Variants in FFAR4 observed in about 807,000 individuals in gnomAD.
FFAR4 encodes G-protein coupled receptor 120.
FFAR4 carries 19 observed loss-of-function variants against 27.0 expected under a neutral mutation model. The ratio of observed to expected loss-of-function variants is 0.70; its 90% CI spans 0.49 to 1.03. The LOEUF is 1.03. Ranked by LOEUF, FFAR4 falls within the 50% of genes least tolerant of loss-of-function variation. The pLI is 0.00. For missense variants in FFAR4, 476 were observed against 479.0 expected (o/e 0.99, Z 0.06); for synonymous variants, 254 against 215.6 (o/e 1.18, Z -1.56).
chr10:93,568,119 C>T (rs969095532), intron 1 of FFAR4, among the ~76,000 whole-genome samples: 9 of 152,138 alleles, frequency 5.9e-5, no homozygotes, highest in Non-Finnish European at 1.2e-4. Context: ...CCCTCAAGTC[C>T]CGCGGTCCGG....
At chr10:93,582,426 C>T (rs2058202987) in intron 2 of FFAR4, among the ~76,000 whole-genome samples, 1 of 151,696 alleles carries the variant, frequency 6.6e-6, no homozygotes, top group Non-Finnish European at 1.5e-5. Flanking sequence ...TGCCTGTAAT[C>T]CCAGCTACTC....
rs1441518234 is a variant in FFAR4, at chr10:93,587,884, G to A, written c.*275G>A. ...GTGGATCACCTGAGGTCAGGAGTTC[G>A]AGACCAACCTGACCAACATGGTGAG... On this transcript the variant is annotated 3_prime_UTR_variant, in exon 3 of 3. Transcript: ENST00000371481. 6 of 305,416 alleles carry A rather than the reference G, an allele frequency of 2.0e-5. No homozygotes were observed. The highest frequency in any genetic ancestry group is 8.6e-5 in the African/African-American group (4 of 46,742). The allele number at this position is 305,416 out of a possible 1,614,324, so 18.9% of individuals were successfully genotyped here. A position where few individuals can be genotyped will look rare whatever the true frequency, so the allele number is the denominator to read the frequency against.
At chr10:93,578,502 C>T (rs1052895434) in intron 2 of FFAR4, among the ~76,000 whole-genome samples, 3 of 150,016 alleles carry the variant, frequency 2.0e-5, no homozygotes, top group African/African-American at 7.4e-5. Context: ...TTTTAATAAT[C>T]TGGGTTTGAG....
chr10:93,583,717 G>T (rs11187527), intron 2 of FFAR4, among the ~76,000 whole-genome samples: 12,666 of 152,234 alleles, frequency 0.083, 587 homozygotes, highest in African/African-American at 0.096. Context: ...GGCAAGTTTT[G>T]TAAGCTCTTT....
intron 1 of FFAR4, among the ~76,000 whole-genome samples, chr10:93,575,737 T>C (rs2058159818): frequency 6.6e-6 from 1 of 152,214 alleles, no homozygotes; most frequent in Non-Finnish European, 1.5e-5. Context: ...TTCTCCTTTG[T>C]AAAATGGCAG....
At chr10:93,579,906 G>A (rs2058188532) in intron 2 of FFAR4, among the ~76,000 whole-genome samples, 1 of 152,088 alleles carries the variant, frequency 6.6e-6, no homozygotes, top group African/African-American at 2.4e-5. Flanking sequence ...ATGCCTCAGT[G>A]GATTAACACA....
At chr10:93,581,161 G>A (rs1478880267) in intron 2 of FFAR4, among the ~76,000 whole-genome samples, 1 of 152,238 alleles carries the variant, frequency 6.6e-6, no homozygotes, top group Non-Finnish European at 1.5e-5. Context: ...GCACATAGCA[G>A]GGGCATATAA....
At chr10:93,584,875 T>C (rs1263818313) in intron 2 of FFAR4, among the ~76,000 whole-genome samples, 2 of 151,890 alleles carry the variant, frequency 1.3e-5, no homozygotes, top group African/African-American at 2.4e-5. Context: ...CCCTGCTCAT[T>C]TTTTTGTATT....
At chr10:93,569,072 G>A (rs1366408436) in intron 1 of FFAR4, among the ~76,000 whole-genome samples, 2 of 152,112 alleles carry the variant, frequency 1.3e-5, no homozygotes, top group African/African-American at 4.8e-5. Context: ...ATCAGGAGGG[G>A]GCTGGGCTTC....
chr10:93,587,607 T>A lies in FFAR4; in HGVS notation c.1084T>A (p.Ter362LysextTer40). ...AAATGACTTGTCGATTATTTCTGGC[T>A]AATTTTTCTTTATAGCCGAGTTTCT... ...KRNDLSIISG[*>K] The change falls in exon 3 of 3, where the codon TAA becomes AAA. Residue 362 changes from the stop codon to lysine, a stop_lost. Transcript: ENST00000371481. 1 of 1,609,810 alleles carries A rather than the reference T, an allele frequency of 6.2e-7. No homozygotes were observed. The highest frequency in any genetic ancestry group is 8.5e-7 in the Non-Finnish European group (1 of 1,178,792).
chr10:93,576,602 T>C (rs757992355), intron 2 of FFAR4, among the ~76,000 whole-genome samples: 1 of 152,212 alleles, frequency 6.6e-6, no homozygotes, highest in Non-Finnish European at 1.5e-5. Context: ...TGATGAACCA[T>C]ATGAAATTGC....
At chr10:93,575,118 A>G (rs2058156407) in intron 1 of FFAR4, among the ~76,000 whole-genome samples, 1 of 152,220 alleles carries the variant, frequency 6.6e-6, no homozygotes, top group South Asian at 2.1e-4. Context: ...ATTGGTTAAG[A>G]TGCCTTGGCC....
intron 2 of FFAR4, 90 bp downstream of exon 2, chr10:93,576,309 T>A: frequency 7.3e-7 from 1 of 1,377,014 alleles, no homozygotes; most frequent in Non-Finnish European, 1.0e-6. Flanking sequence ...GGAGAACACC[T>A]AAGAGTTCAC....
chr10:93,587,835 C>T lies in FFAR4; in HGVS notation c.*226C>T. 2.2e-6 allele frequency: 1 copy of T among 453,384 alleles called. No individual in the cohort carries two copies. Among genetic ancestry groups the T allele is most frequent in the Non-Finnish European group, 4.0e-6 (1 of 253,144 alleles). 28.1% of individuals were successfully genotyped at this position (453,384 alleles called of 1,614,324 possible). On this transcript the variant is annotated 3_prime_UTR_variant, in exon 3 of 3. Transcript: ENST00000371481. ...GTGCAGTGGTTCATGCCTGTAATCC[C>T]AGCAGTTTGGGAGGCTGAGGTGGGT... is the stretch of plus-strand genomic sequence containing the variant.
At chr10:93,584,098 T>C (rs1485690690) in intron 2 of FFAR4, among the ~76,000 whole-genome samples, 3 of 152,228 alleles carry the variant, frequency 2.0e-5, no homozygotes, top group Non-Finnish European at 4.4e-5. Context: ...GATATTCTCT[T>C]AGATCTAACA....
chr10:93,576,916 G>T (rs901248434), intron 2 of FFAR4, among the ~76,000 whole-genome samples: 1 of 152,134 alleles, frequency 6.6e-6, no homozygotes, highest in African/African-American at 2.4e-5. Context: ...CTGAGCATAG[G>T]TGTAGGCTCA....
At chr10:93,568,722 G>C (rs1366871081) in intron 1 of FFAR4, among the ~76,000 whole-genome samples, 1 of 152,136 alleles carries the variant, frequency 6.6e-6, no homozygotes, top group Admixed American at 6.5e-5. Context: ...GATGGAGTCT[G>C]CCTCCTGTAT....
intron 1 of FFAR4, among the ~76,000 whole-genome samples, chr10:93,571,736 TTCTC>T (rs1163475844): frequency 1.3e-5 from 2 of 152,214 alleles, no homozygotes; most frequent in African/African-American, 4.8e-5. Flanking sequence ...CATTAATATT[TTCTC>T]TCTTTTTTGC....
chr10:93,576,384 A>T (rs1204811653), intron 2 of FFAR4, among the ~76,000 whole-genome samples, 165 bp downstream of exon 2: 2 of 152,144 alleles, frequency 1.3e-5, no homozygotes, highest in South Asian at 2.1e-4. Context: ...TTTTTTTAGA[A>T]GTTATATCTT....
Sources: gnomAD v4.1 joint callset for allele counts (sites outside exome capture counted in the v4.1 genomes callset) on GRCh38, gnomAD v4.1.1 for gene constraint, MANE v1.5 for transcripts, NCBI Gene and HGNC (gene_info 2026-07-23, HGNC 2026-07-21) for gene names.